Variants in EFHB observed in about 807,000 individuals in gnomAD.
EFHB encodes the protein EF-hand domain family member B.
EFHB carries 91 observed loss-of-function variants against 87.2 expected under a neutral mutation model. The observed-to-expected ratio is 1.04, with a 90% CI of 0.88 to 1.24. The LOEUF (loss-of-function observed/expected upper bound fraction) is 1.24. Ranked by LOEUF, EFHB falls within the 50% of genes most tolerant of loss-of-function variation. The pLI, the probability that EFHB is intolerant of heterozygous loss-of-function variation, is 0.00. For synonymous variants in EFHB, 325 were observed against 333.6 expected (o/e 0.97, Z 0.28); for missense variants, 1,084 against 998.8 (o/e 1.09, Z -1.15).
At chr3:19,887,113 G>T (rs189293483) in intron 10 of EFHB, among the ~76,000 whole-genome samples, 1 of 152,150 alleles carries the variant, frequency 6.6e-6, no homozygotes, top group East Asian at 1.9e-4. Context: ...GGGCATGTTG[G>T]CTCTTGTCGG....
At position 19,934,153 on chromosome 3, in the gene EFHB, C is replaced by G; in HGVS notation, c.-135G>C. 6.9e-7 allele frequency: 1 copy of G among 1,446,568 alleles called. No individual in the cohort carries two copies. Among genetic ancestry groups the G allele is most frequent in the Non-Finnish European group, 9.0e-7 (1 of 1,107,564 alleles). The allele number at this position is 1,446,568 out of a possible 1,614,324, so 89.6% of individuals were successfully genotyped here. The stretch of plus-strand genomic sequence containing the variant: ...AAGAGCACAACCTCACTCGGACTCC[C>G]TGTCCATTGCTTCCTGCCTGCCTCT... On this transcript the variant is annotated 5_prime_UTR_variant, in exon 1 of 13. Coordinates refer to ENST00000295824, the MANE Select transcript of EFHB (RefSeq NM_144715.4).
At chr3:19,936,445 T>C (rs1696024054), upstream of EFHB, 5 of 466,906 alleles carry the variant, frequency 1.1e-5, no homozygotes, top group East Asian at 9.8e-5. Context: ...ATGCCTATAG[T>C]CCTAGCTACT....
At chr3:19,900,060 G>A (rs939691346) in intron 6 of EFHB, among the ~76,000 whole-genome samples, 2 of 152,038 alleles carry the variant, frequency 1.3e-5, no homozygotes, top group Non-Finnish European at 2.9e-5. Flanking sequence ...GTGACAGAGT[G>A]AGACCCTGTC....
chr3:19,917,545 T>C (rs1041023356), intron 4 of EFHB, among the ~76,000 whole-genome samples: 2 of 152,108 alleles, frequency 1.3e-5, no homozygotes, highest in South Asian at 2.1e-4. Flanking sequence ...AGATCTCCTA[T>C]GGTAAGACTC....
chr3:19,923,715 A>G (rs1695518125), intron 1 of EFHB, among the ~76,000 whole-genome samples: 1 of 152,142 alleles, frequency 6.6e-6, no homozygotes, highest in African/African-American at 2.4e-5. Flanking sequence ...TCCAGTTTGA[A>G]AGGGAGGGGC....
chr3:19,909,958 A>G (rs750298818), intron 5 of EFHB, among the ~76,000 whole-genome samples: 3 of 152,132 alleles, frequency 2.0e-5, no homozygotes, highest in Non-Finnish European at 4.4e-5. Context: ...TTCAGGGCCC[A>G]GGTAGTATAT....
intron 6 of EFHB, among the ~76,000 whole-genome samples, chr3:19,905,184 C>A (rs1190589336): frequency 1.3e-5 from 2 of 152,120 alleles, no homozygotes; most frequent in Non-Finnish European, 1.5e-5. Context: ...TCCAGGAGTT[C>A]AAGGTTGCAG....
intron 4 of EFHB, among the ~76,000 whole-genome samples, chr3:19,917,410 A>G (rs1695271008): frequency 6.6e-6 from 1 of 152,142 alleles, no homozygotes; most frequent in South Asian, 2.1e-4. Context: ...AGATGTCACT[A>G]CCTTAAGGAA....
rs370158096 is a variant in EFHB at position 19,912,579 on chromosome 3, G to GT, written c.1288+2723dup. ...GAAACACACAGAGTAGTATAACACC[G>GT]TAACTGTGGTATCCAAACTACTCTT... On this transcript the variant is annotated intron_variant, in intron 5 of 12. Coordinates refer to ENST00000295824, the MANE Select transcript of EFHB (RefSeq NM_144715.4). 6.9e-3 allele frequency among the ~76,000 whole-genome samples: 1,048 copies of GT among 152,138 alleles called. 2 individuals are homozygous for GT. The highest frequency in any genetic ancestry group is 0.012 in the Non-Finnish European group (817 of 68,004).
intron 5 of EFHB, among the ~76,000 whole-genome samples, chr3:19,909,215 G>A (rs997353500): frequency 2.6e-5 from 4 of 151,362 alleles, no homozygotes; most frequent in African/African-American, 4.9e-5. Context: ...CCCCAACCCC[G>A]GCAGCAGCAG....
chr3:19,907,888 TAAA>T (rs1429242352), intron 5 of EFHB, among the ~76,000 whole-genome samples: 1 of 152,118 alleles, frequency 6.6e-6, no homozygotes, highest in South Asian at 2.1e-4. Context: ...TAAGCAAAAA[TAAA>T]GAAGATTGGC....
At chr3:19,881,544 T>C (rs1412537012) in intron 12 of EFHB, among the ~76,000 whole-genome samples, 2 of 152,158 alleles carry the variant, frequency 1.3e-5, no homozygotes, top group Non-Finnish European at 2.9e-5. Context: ...TTCAGAGTGA[T>C]TGAGGAAAGT....
intron 4 of EFHB, 51 bp downstream of exon 4, chr3:19,918,181 A>C: frequency 6.9e-7 from 1 of 1,455,234 alleles, no homozygotes; most frequent in Non-Finnish European, 9.2e-7. Context: ...AATTTTCCAA[A>C]GAGACTTATT....
At chr3:19,944,285 A>G (rs1032208109) in intron 1 of EFHB, among the ~76,000 whole-genome samples, 1 of 152,222 alleles carries the variant, frequency 6.6e-6, no homozygotes, top group African/African-American at 2.4e-5. Context: ...GATCCTGTGA[A>G]TGGTAGAGAG....
upstream of EFHB, chr3:19,936,159 G>A (rs771380352): frequency 3.3e-5 from 46 of 1,403,862 alleles, no homozygotes; most frequent in Admixed American, 1.2e-4. Context: ...TCAACACTTC[G>A]GGAAGCCAAG....
At chr3:19,936,740 C>G (rs1414285355), upstream of EFHB, among the ~76,000 whole-genome samples, 2 of 151,752 alleles carry the variant, frequency 1.3e-5, no homozygotes, top group East Asian at 3.9e-4. Flanking sequence ...TGGTGGCCAG[C>G]ACTTGTAATC....
intron 8 of EFHB, among the ~76,000 whole-genome samples, chr3:19,897,307 C>T (rs1575005731): frequency 6.6e-6 from 1 of 152,182 alleles, no homozygotes; most frequent in Non-Finnish European, 1.5e-5. Context: ...TCCAGTTGGC[C>T]GTCAGTCTGC....
chr3:19,924,424 G>C (rs563432559), intron 1 of EFHB, among the ~76,000 whole-genome samples: 4 of 151,940 alleles, frequency 2.6e-5, no homozygotes, highest in Non-Finnish European at 5.9e-5. Context: ...ATGTCGGCCA[G>C]GCTGGTCTCA....
At chr3:19,923,233 CT>C (rs1284606429) in intron 1 of EFHB, among the ~76,000 whole-genome samples, 2 of 151,526 alleles carry the variant, frequency 1.3e-5, no homozygotes, top group African/African-American at 4.9e-5. Context: ...CGCCACTGCA[CT>C]CCAGCCTGGG....
Sources: gnomAD v4.1 joint callset for allele counts (sites outside exome capture counted in the v4.1 genomes callset) on GRCh38, gnomAD v4.1.1 for gene constraint, MANE v1.5 for transcripts, NCBI Gene and HGNC (gene_info 2026-07-23, HGNC 2026-07-21) for gene names.